The following ALK variants were observed in gnomAD, a reference collection of about 807,000 sequenced individuals.
ALK encodes ALK tyrosine kinase receptor.
In ALK, 74 loss-of-function variants were observed where a neutral mutation model predicts 163.1. The ratio of observed to expected loss-of-function variants is 0.45; its 90% confidence interval spans 0.38 to 0.55. The LOEUF is 0.55. ALK is among the 20% of genes least tolerant of loss of function. The probability of loss-of-function intolerance (pLI) is 0.00; values close to 1 mark genes in which losing one functional copy is unlikely to be tolerated. For synonymous variants in ALK, 960 were observed against 843.2 expected (o/e 1.14, Z -2.40); for missense variants, 2,063 against 2,105.3 (o/e 0.98, Z 0.39).
At chr2:29,262,844 C>T (rs1203150478) in intron 11 of ALK, among the ~76,000 whole-genome samples, 3 of 152,252 alleles carry the variant, frequency 2.0e-5, no homozygotes, top group Non-Finnish European at 2.9e-5. Flanking sequence ...TTAATGGCTC[C>T]TGTGATGGCT....
At position 29,920,828 on chromosome 2, in the gene ALK, G is replaced by C; in HGVS notation, c.-169C>G. 1 of 636,608 alleles carries C rather than the reference G, an allele frequency of 1.6e-6. No homozygotes were observed. Among genetic ancestry groups the C allele is most frequent in the South Asian group, 2.0e-5 (1 of 51,196 alleles). 39.4% of individuals were successfully genotyped at this position (636,608 alleles called of 1,614,324 possible). On this transcript the variant is annotated 5_prime_UTR_variant, in exon 1 of 29. Transcript: ENST00000389048. ...TCTCTTGCTTTCCCCCAACTGCACG[G>C]AGGCGAGCAGGAGTCTAAATGAAAC... is the stretch of plus-strand genomic sequence containing the variant.
chr2:29,535,283 C>T (rs12105492), intron 3 of ALK, among the ~76,000 whole-genome samples: 24,503 of 152,158 alleles, frequency 0.16, 2,342 homozygotes, highest in South Asian at 0.23. Context: ...TTTTATTATG[C>T]ATCTTGTTGA....
intron 4 of ALK, among the ~76,000 whole-genome samples, chr2:29,494,358 C>T (rs59127157): frequency 0.061 from 9,333 of 152,104 alleles, 883 homozygotes; most frequent in African/African-American, 0.2. Flanking sequence ...ACAGGAGCTG[C>T]GGGAGAAATC....
At chr2:29,618,670 T>C (rs1675931477) in intron 3 of ALK, among the ~76,000 whole-genome samples, 3 of 152,146 alleles carry the variant, frequency 2.0e-5, no homozygotes, top group Non-Finnish European at 4.4e-5. Context: ...ACCCGTGATA[T>C]GCAAAACCAA....
intron 3 of ALK, among the ~76,000 whole-genome samples, chr2:29,542,110 A>C (rs2148166994): frequency 6.6e-6 from 1 of 152,278 alleles, no homozygotes; most frequent in African/African-American, 2.4e-5. Context: ...TTTTTCTCCA[A>C]TTAATCTGCC....
intron 3 of ALK, among the ~76,000 whole-genome samples, chr2:29,593,742 G>T (rs1675125220): frequency 1.3e-5 from 2 of 152,346 alleles, no homozygotes; most frequent in East Asian, 3.9e-4. Flanking sequence ...AAGTATAGCA[G>T]AATCTTGCTC....
At chr2:29,296,138 AG>A (rs1666170372) in intron 9 of ALK, among the ~76,000 whole-genome samples, 1 of 152,210 alleles carries the variant, frequency 6.6e-6, no homozygotes, top group Non-Finnish European at 1.5e-5. Context: ...ATGATTTTCT[AG>A]TTCAAACCTC....
At chr2:29,226,229 A>C (rs1418575833) in intron 18 of ALK, among the ~76,000 whole-genome samples, 1 of 152,112 alleles carries the variant, frequency 6.6e-6, no homozygotes, top group Non-Finnish European at 1.5e-5. Context: ...CTGTAATCCC[A>C]GCACTTTGGG....
intron 1 of ALK, among the ~76,000 whole-genome samples, chr2:29,863,569 G>A (rs1327686659): frequency 6.6e-6 from 1 of 151,884 alleles, no homozygotes; most frequent in Non-Finnish European, 1.5e-5. Flanking sequence ...AAACCACAAT[G>A]AGATATCACC....
chr2:29,273,394 G>A (rs1463662700), intron 11 of ALK, among the ~76,000 whole-genome samples: 1 of 152,236 alleles, frequency 6.6e-6, no homozygotes, highest in Non-Finnish European at 1.5e-5. Flanking sequence ...TGTTCCAGCT[G>A]CTGTCTCCTC....
At chr2:29,777,764 C>T (rs937212253) in intron 1 of ALK, among the ~76,000 whole-genome samples, 2 of 152,140 alleles carry the variant, frequency 1.3e-5, no homozygotes, top group African/African-American at 4.8e-5. Flanking sequence ...CTGCCAAGCT[C>T]CAAGATGATG....
At chr2:29,336,002 T>G (rs1468844429) in intron 5 of ALK, among the ~76,000 whole-genome samples, 1 of 152,116 alleles carries the variant, frequency 6.6e-6, no homozygotes, top group African/African-American at 2.4e-5. Context: ...ATCATGCCAT[T>G]GCACTACAGC....
chr2:29,588,087 T>C (rs541797820), intron 3 of ALK, among the ~76,000 whole-genome samples: 5 of 152,238 alleles, frequency 3.3e-5, no homozygotes, highest in African/African-American at 1.2e-4. Context: ...GGATTTTAAG[T>C]AGATTGATCT....
intron 8 of ALK, among the ~76,000 whole-genome samples, chr2:29,318,030 A>G (rs1666884880): frequency 6.6e-6 from 1 of 152,240 alleles, no homozygotes; most frequent in Non-Finnish European, 1.5e-5. Context: ...TTGTTATGCC[A>G]TGGAAAATCT....
At chr2:29,493,382 G>A (rs1271714987) in intron 4 of ALK, among the ~76,000 whole-genome samples, 2 of 152,120 alleles carry the variant, frequency 1.3e-5, no homozygotes, top group South Asian at 2.1e-4. Context: ...GGCCAAAGGC[G>A]TACACATCAG....
At chr2:29,233,392 T>C (rs1405120582) in intron 14 of ALK, among the ~76,000 whole-genome samples, 173 bp downstream of exon 14, 1 of 152,182 alleles carries the variant, frequency 6.6e-6, no homozygotes, top group Non-Finnish European at 1.5e-5. Context: ...GTGATCCTCC[T>C]GCCTTGGCCT....
chr2:29,235,551 G>A (rs1664352199), intron 13 of ALK, among the ~76,000 whole-genome samples: 1 of 152,122 alleles, frequency 6.6e-6, no homozygotes, highest in Admixed American at 6.6e-5. Context: ...CTGGCCTGGG[G>A]GGAGACTCCT....
At chr2:29,236,146 C>A (rs528124390) in intron 13 of ALK, among the ~76,000 whole-genome samples, 69 of 152,038 alleles carry the variant, frequency 4.5e-4, no homozygotes, top group African/African-American at 1.6e-3. Flanking sequence ...CCTGCTCAGT[C>A]TGGGTTCTTG....
intron 4 of ALK, among the ~76,000 whole-genome samples, chr2:29,449,140 C>T (rs1252482063): frequency 1.3e-5 from 2 of 152,086 alleles, no homozygotes; most frequent in Non-Finnish European, 2.9e-5. Context: ...TTTATTTGTT[C>T]ATTCATTAGG....
Sources: allele counts gnomAD v4.1 joint callset (sites outside exome capture counted in the v4.1 genomes callset), GRCh38; gene constraint gnomAD v4.1.1; transcripts MANE v1.5; gene names NCBI Gene and HGNC (gene_info 2026-07-23, HGNC 2026-07-21).